Variants in SLC12A8 observed in about 807,000 individuals in gnomAD.
SLC12A8 encodes the protein solute carrier family 12 member 8.
In SLC12A8, 69 loss-of-function variants were observed where a neutral mutation model predicts 75.6. The observed-to-expected ratio is 0.91, with a 90% CI of 0.75 to 1.11. The LOEUF (loss-of-function observed/expected upper bound fraction) is 1.11, where lower values mean the gene tolerates loss of function less well. Among genes scored for constraint, SLC12A8 ranks in the 50% most tolerant of loss-of-function variants. The pLI is 0.00. For missense variants in SLC12A8, 877 were observed against 896.7 expected, an observed-to-expected ratio of 0.98 and a Z score of 0.28; for synonymous variants, 365 against 372.8, an observed-to-expected ratio of 0.98 and a Z score of 0.24.
intron 2 of SLC12A8, among the ~76,000 whole-genome samples, chr3:125,210,277 A>G (rs1043049607): frequency 6.6e-6 from 1 of 152,242 alleles, no homozygotes; most frequent in Non-Finnish European, 1.5e-5. Flanking sequence ...TGTTGATAAG[A>G]AGCATCAGCA....
At chr3:125,122,817 A>C (rs1877581) in intron 6 of SLC12A8, among the ~76,000 whole-genome samples, 19,730 of 152,216 alleles carry the variant, frequency 0.13, 1,618 homozygotes, top group Middle Eastern at 0.25. Flanking sequence ...ACACGCATAA[A>C]TAGAAACAGA....
intron 5 of SLC12A8, among the ~76,000 whole-genome samples, chr3:125,143,349 T>C (rs915735775): frequency 6.6e-6 from 1 of 152,224 alleles, no homozygotes; most frequent in African/African-American, 2.4e-5. Context: ...CTGTATTGCT[T>C]TGTATTGATC....
chr3:125,161,000 G>A (rs1003813173), intron 5 of SLC12A8, among the ~76,000 whole-genome samples: 3 of 151,350 alleles, frequency 2.0e-5, no homozygotes, highest in African/African-American at 7.4e-5. Flanking sequence ...TAAATACCAT[G>A]TAATTAATGC....
At chr3:125,207,588 G>A (rs981921442) in intron 2 of SLC12A8, among the ~76,000 whole-genome samples, 4 of 152,160 alleles carry the variant, frequency 2.6e-5, no homozygotes, top group African/African-American at 9.7e-5. Flanking sequence ...TATTCCCAAC[G>A]CTAAGAGCAT....
In SLC12A8 at chr3:125,187,227, C is replaced by T; in HGVS notation, c.390+10G>A. The T allele has an allele frequency of 6.2e-7, 1 of 1,609,568 alleles. No homozygotes were observed. The highest frequency in any genetic ancestry group is 8.5e-7 in the Non-Finnish European group (1 of 1,176,206). On this transcript the variant is annotated intron_variant, in intron 4 of 13. Transcript: ENST00000469902. Reference sequence around the variant, plus strand: ...CCAGGCAGGGGAAGCATCCCGGGCGCAGGCCTCACCTGTCCAAACACATAG... The same window carrying T: ...CCAGGCAGGGGAAGCATCCCGGGCGTAGGCCTCACCTGTCCAAACACATAG...
chr3:125,174,191 A>G (rs1934472064), intron 5 of SLC12A8, among the ~76,000 whole-genome samples: 1 of 152,244 alleles, frequency 6.6e-6, no homozygotes, highest in Non-Finnish European at 1.5e-5. Flanking sequence ...CACTTCACCA[A>G]AGGTGATATA....
At chr3:125,103,584 C>T (rs1270006123) in intron 10 of SLC12A8, among the ~76,000 whole-genome samples, 1 of 152,110 alleles carries the variant, frequency 6.6e-6, no homozygotes, top group African/African-American at 2.4e-5. Flanking sequence ...CCCACCTCAG[C>T]CTCCTGAGTA....
chr3:125,138,881 C>T (rs1933559748), intron 5 of SLC12A8, among the ~76,000 whole-genome samples: 1 of 146,554 alleles, frequency 6.8e-6, no homozygotes, highest in Non-Finnish European at 1.5e-5. Context: ...CACACACACA[C>T]ACACACACTT....
chr3:125,151,475 G>T (rs755832614), intron 5 of SLC12A8: 1 of 154,202 alleles, frequency 6.5e-6, no homozygotes, highest in Non-Finnish European at 1.5e-5. Flanking sequence ...TCCCAAATCA[G>T]ATGCCAAGCT....
chr3:125,106,356 T>TTTTGTTG (rs567362846), intron 10 of SLC12A8, among the ~76,000 whole-genome samples: 10 of 151,944 alleles, frequency 6.6e-5, no homozygotes, highest in African/African-American at 2.2e-4. Flanking sequence ...TTTGGGGTTT[T>TTTTGTTG]TTGTTGTTGT....
rs765064853 is a variant in SLC12A8, at chr3:125,083,943, G to A, written c.2092C>T (p.Arg698Cys). The change falls in exon 14 of 14, where the codon CGC becomes TGC. Residue 698 changes from arginine to cysteine, a missense_variant. Arg to Cys is a radical substitution (Grantham distance 180). Transcript: ENST00000469902. ...TTCACGAGGGAGGAGTGGTGGTAGCGATCCCGAGTGGCGAAGTCTGCATTC... is the reference window on the plus strand; with the variant it reads ...TTCACGAGGGAGGAGTGGTGGTAGCAATCCCGAGTGGCGAAGTCTGCATTC... Reference protein sequence around the residue: ...QENADFATRDRYHHSSLVNRE... With the variant: ...QENADFATRDCYHHSSLVNRE... 3.4e-5 allele frequency: 55 copies of A among 1,613,492 alleles called. No homozygotes were observed. The Admixed American group carries it at 6.8e-4, about 20-fold the overall frequency.
intron 13 of SLC12A8, 134 bp downstream of exon 13, chr3:125,088,176 C>T: frequency 3.8e-6 from 3 of 780,118 alleles, no homozygotes; most frequent in Non-Finnish European, 6.4e-6. Flanking sequence ...ATCTGAGTCT[C>T]CCGGAGGTGC....
At chr3:125,095,546 G>C (rs1037450320) in intron 10 of SLC12A8, among the ~76,000 whole-genome samples, 4 of 152,204 alleles carry the variant, frequency 2.6e-5, no homozygotes, top group African/African-American at 9.6e-5. Context: ...ATTTCTCACT[G>C]TTAGGTGTAA....
rs1370835903 is a variant in SLC12A8, at chr3:125,177,274, A to G, written c.622+469T>C. Among the ~76,000 whole-genome samples the G allele has an allele frequency of 9.6e-5, 14 of 145,152 alleles. No homozygotes were observed. The Admixed American group carries it at 9.7e-4, about 10-fold the overall frequency. Reference sequence around the variant, plus strand: ...CTCACTCATAGGTGGGAATTGAACAATGAGAACAAATGGACACAGGAAGGG... The same window carrying G: ...CTCACTCATAGGTGGGAATTGAACAGTGAGAACAAATGGACACAGGAAGGG... On this transcript the variant is annotated intron_variant, in intron 5 of 13. Transcript: ENST00000469902.
At position 125,173,796 on chromosome 3, in the gene SLC12A8, A is replaced by T. The variant is rs368332054; in HGVS notation, c.622+3947T>A. On this transcript the variant is annotated intron_variant, in intron 5 of 13. Transcript: ENST00000469902. ...AATCCAAAATATACAAAGCACTCTT[A>T]AAACTCAACAGTGGCCGGGCGCAGT... Among the ~76,000 whole-genome samples, 35 of 152,240 alleles carry T rather than the reference A, an allele frequency of 2.3e-4. 1 individual carries two copies. The highest frequency in any genetic ancestry group is 1.3e-3 in the East Asian group (7 of 5,204).
intron 4 of SLC12A8, among the ~76,000 whole-genome samples, chr3:125,178,298 T>C (rs1356739677): frequency 6.6e-6 from 1 of 152,166 alleles, no homozygotes; most frequent in Non-Finnish European, 1.5e-5. Flanking sequence ...GATTTCTCAG[T>C]CCGAGTTATT....
At chr3:125,114,634 C>A (rs1939263592) in intron 8 of SLC12A8, among the ~76,000 whole-genome samples, 1 of 152,066 alleles carries the variant, frequency 6.6e-6, no homozygotes, top group Non-Finnish European at 1.5e-5. Flanking sequence ...ACTGTGTTGG[C>A]CAGGCTGGTC....
chr3:125,106,889 T>C lies in SLC12A8; in HGVS notation c.1705+592A>G, dbSNP rs144953859. Among the ~76,000 whole-genome samples, 36 of 152,346 alleles carry C rather than the reference T, an allele frequency of 2.4e-4. 1 individual carries two copies. In the East Asian group the frequency reaches 2.5e-3, roughly 11 times the overall value. On this transcript the variant is annotated intron_variant, in intron 10 of 13. Transcript: ENST00000469902. The stretch of plus-strand genomic sequence containing the variant: ...AAAGGGAAAATGCTAATATATGTTA[T>C]ATTACACGAAGTAATAGATGTAAAG...
intron 8 of SLC12A8, among the ~76,000 whole-genome samples, chr3:125,114,116 A>G (rs527993172): frequency 6.6e-6 from 1 of 152,270 alleles, no homozygotes; most frequent in South Asian, 2.1e-4. Context: ...CCATGAATTG[A>G]TCAACATCTC....
Sources: gnomAD v4.1 joint callset for allele counts (sites outside exome capture counted in the v4.1 genomes callset) on GRCh38, gnomAD v4.1.1 for gene constraint, MANE v1.5 for transcripts, NCBI Gene and HGNC (gene_info 2026-07-23, HGNC 2026-07-21) for gene names.